The following MREG variants were observed in gnomAD, a reference collection of about 807,000 sequenced individuals.
MREG encodes the protein dilute suppressor protein homolog.
MREG carries 31 observed loss-of-function variants against 28.5 expected under a neutral mutation model. That is an observed-to-expected ratio of 1.09 (90% confidence interval 0.82 to 1.47). The LOEUF is 1.47. Ranked by LOEUF, MREG falls within the 40% of genes most tolerant of loss-of-function variation. The probability of loss-of-function intolerance (pLI) is 0.00; values close to 1 mark genes in which losing one functional copy is unlikely to be tolerated. For missense variants in MREG, 256 were observed against 257.4 expected (o/e 0.99, Z 0.04); for synonymous variants, 106 against 95.2 (o/e 1.11, Z -0.66).
intron 2 of MREG, among the ~76,000 whole-genome samples, chr2:215,954,432 T>A (rs1692564928): frequency 8.7e-6 from 1 of 114,760 alleles, no homozygotes; most frequent in Admixed American, 1.0e-4. Flanking sequence ...CTTATTGTAT[T>A]TGATCTGTGT....
At chr2:215,939,911 TG>T (rs888538790), downstream of MREG, among the ~76,000 whole-genome samples, 7 of 65,344 alleles carry the variant, frequency 1.1e-4, no homozygotes, top group Admixed American at 6.3e-4. Flanking sequence ...AAACTACAGA[TG>T]TTTTTTTAAA....
At chr2:215,970,924 C>A (rs1178206051) in intron 2 of MREG, among the ~76,000 whole-genome samples, 1 of 152,076 alleles carries the variant, frequency 6.6e-6, no homozygotes, top group Non-Finnish European at 1.5e-5. Flanking sequence ...AAATGTGGCA[C>A]ATATACACTA....
rs572474744 is a variant in MREG, at chr2:215,962,983, A to G, written c.256-15870T>C. ...AAACTTTGTCCCTACAAAATATACA[A>G]AAGGCATAGTTGTGCACACCTGTAG... On this transcript the variant is annotated intron_variant, in intron 2 of 4. Coordinates refer to ENST00000263268, the MANE Select transcript of MREG (RefSeq NM_018000.3). Among the ~76,000 whole-genome samples the G allele has an allele frequency of 1.4e-4, 21 of 152,196 alleles. No individual in the cohort carries two copies. In the South Asian group the frequency reaches 3.7e-3, roughly 27 times the overall value.
chr2:216,010,348 A>AT (rs1405422677), intron 1 of MREG, among the ~76,000 whole-genome samples: 2 of 101,370 alleles, frequency 2.0e-5, no homozygotes, highest in Admixed American at 1.1e-4. Context: ...GAAAGAAAAG[A>AT]TTTCTCTTTT....
At chr2:215,994,478 G>A (rs1211923966) in intron 2 of MREG, among the ~76,000 whole-genome samples, 1 of 151,650 alleles carries the variant, frequency 6.6e-6, no homozygotes, top group African/African-American at 2.4e-5. Flanking sequence ...AGGTTGATGG[G>A]TGAGCAAACC....
chr2:215,969,753 T>C (rs751398512), intron 2 of MREG, among the ~76,000 whole-genome samples: 1 of 151,640 alleles, frequency 6.6e-6, no homozygotes, highest in African/African-American at 2.4e-5. Flanking sequence ...ACTTACAACA[T>C]GTGCAGAGAC....
At chr2:215,942,316 G>A (rs1320259233), downstream of MREG, among the ~76,000 whole-genome samples, 2 of 152,186 alleles carry the variant, frequency 1.3e-5, no homozygotes, top group Admixed American at 1.3e-4. Context: ...CAAAAAGTGG[G>A]AAACTCTCTG....
intron 1 of MREG, among the ~76,000 whole-genome samples, chr2:216,028,291 G>A (rs918622759): frequency 6.6e-6 from 1 of 152,046 alleles, no homozygotes; most frequent in South Asian, 2.1e-4. Context: ...TGAGGCAGAT[G>A]GATCACGAGG....
rs141081198 is a variant in MREG at position 215,984,299 on chromosome 2, G to A, written c.255+12007C>T. 2.1e-3 allele frequency among the ~76,000 whole-genome samples: 320 copies of A among 152,230 alleles called. 4 individuals carry two copies. The highest frequency in any genetic ancestry group is 7.3e-3 in the African/African-American group (303 of 41,542). On this transcript the variant is annotated intron_variant, in intron 2 of 4. Coordinates refer to ENST00000263268, the MANE Select transcript of MREG (RefSeq NM_018000.3). ...CATCCCACAACATGTGGGAATTCAA[G>A]GTGAGATTTGAGTGGGGACACAGCC...
intron 1 of MREG, among the ~76,000 whole-genome samples, chr2:215,997,777 C>T (rs1693909124): frequency 6.6e-6 from 1 of 152,116 alleles, no homozygotes; most frequent in African/African-American, 2.4e-5. Context: ...AAAACAAGAA[C>T]AGAGTTGCAG....
intron 2 of MREG, among the ~76,000 whole-genome samples, chr2:215,980,864 G>A (rs1224815032): frequency 6.7e-6 from 1 of 150,214 alleles, no homozygotes; most frequent in Admixed American, 6.7e-5. Flanking sequence ...GGAGGGGAGG[G>A]GAGGGCAGGG....
chr2:215,977,983 G>A (rs62183220), intron 2 of MREG, among the ~76,000 whole-genome samples: 55,244 of 151,844 alleles, frequency 0.36, 11,661 homozygotes, highest in Admixed American at 0.46. Flanking sequence ...AGAGAAACAA[G>A]AGCAAACAAA....
At chr2:215,949,040 TA>T (rs869164854) in intron 2 of MREG, among the ~76,000 whole-genome samples, 1 of 108,368 alleles carries the variant, frequency 9.2e-6, no homozygotes, top group Non-Finnish European at 1.9e-5. Context: ...CTGTCTCTAC[TA>T]CTACTACTAC....
At chr2:216,011,095 C>CAAAAA (rs35487752) in intron 1 of MREG, among the ~76,000 whole-genome samples, 2 of 106,732 alleles carry the variant, frequency 1.9e-5, no homozygotes, top group Admixed American at 9.3e-5. Context: ...GACTCCGTCT[C>CAAAAA]AAAAAAAAAA....
At position 215,947,127 on chromosome 2, in the gene MREG, A is replaced by G. The variant is rs756569005; in HGVS notation, c.256-14T>C. ...CTTCTGCCACTCCTGCAGGAAAATA[A>G]AAGTTTAGTTTTATTTATACCCCTT... On this transcript the variant is annotated splice_polypyrimidine_tract_variant and intron_variant, in intron 2 of 4. Coordinates refer to ENST00000263268, the MANE Select transcript of MREG (RefSeq NM_018000.3). 8.2e-6 allele frequency: 13 copies of G among 1,590,888 alleles called. No individual in the cohort carries two copies. Among genetic ancestry groups the G allele is most frequent in the African/African-American group, 2.7e-5 (2 of 74,570 alleles).
downstream of MREG, among the ~76,000 whole-genome samples, chr2:215,942,446 T>C (rs1250926486): frequency 6.6e-6 from 1 of 152,144 alleles, no homozygotes. Flanking sequence ...TTAACACACA[T>C]CTAATCCTTG....
intron 2 of MREG, among the ~76,000 whole-genome samples, chr2:215,980,889 A>ACAGGG (rs1341665989): frequency 5.5e-5 from 8 of 144,444 alleles, no homozygotes; most frequent in Non-Finnish European, 1.2e-4. Flanking sequence ...GCAGGGCAGG[A>ACAGGG]CAGGGCAGGG....
In MREG at chr2:215,947,120, G is replaced by T; in HGVS notation, c.256-7C>A. ...AGTTGAGCTTCTGCCACTCCTGCAG[G>T]AAAATAAAAGTTTAGTTTTATTTAT... On this transcript the variant is annotated splice_region_variant and splice_polypyrimidine_tract_variant and intron_variant, in intron 2 of 4. Transcript: ENST00000263268. 6.3e-7 allele frequency: 1 copy of T among 1,599,994 alleles called. No individual in the cohort carries two copies. Among genetic ancestry groups the T allele is most frequent in the East Asian group, 2.2e-5 (1 of 44,754 alleles).
At chr2:216,010,295 C>G (rs1478125235) in intron 1 of MREG, among the ~76,000 whole-genome samples, 1 of 151,468 alleles carries the variant, frequency 6.6e-6, no homozygotes, top group African/African-American at 2.4e-5. Context: ...GGACTGTGGC[C>G]CTGCGGAAAC....
Sources: gnomAD v4.1 joint callset for allele counts (sites outside exome capture counted in the v4.1 genomes callset) on GRCh38, gnomAD v4.1.1 for gene constraint, MANE v1.5 for transcripts, NCBI Gene and HGNC (gene_info 2026-07-23, HGNC 2026-07-21) for gene names.